PID1: variants seen among roughly 807,000 people sequenced by gnomAD.
The protein encoded by PID1 is PTB-containing, cubilin and LRP1-interacting protein.
In PID1, 10 loss-of-function variants were observed where a neutral mutation model predicts 19.1. That is an observed-to-expected ratio of 0.52 (90% CI 0.32 to 0.89). The LOEUF is 0.89. Ranked by LOEUF, PID1 falls within the 40% of genes least tolerant of loss-of-function variation. PID1 has a pLI of 0.03. For synonymous variants in PID1, 130 were observed against 116.0 expected, an observed-to-expected ratio of 1.12 and a Z score of -0.78; for missense variants, 248 against 285.3, an observed-to-expected ratio of 0.87 and a Z score of 0.94.
intron 1 of PID1, among the ~76,000 whole-genome samples, chr2:229,227,121 A>C (rs1692095287): frequency 6.6e-6 from 1 of 152,246 alleles, no homozygotes; most frequent in Non-Finnish European, 1.5e-5. Context: ...TTTTTTAATG[A>C]AATAATCATA....
chr2:229,241,017 G>T (rs1689852788), intron 1 of PID1, among the ~76,000 whole-genome samples: 1 of 151,948 alleles, frequency 6.6e-6, no homozygotes, highest in African/African-American at 2.4e-5. Context: ...TTCTATTTTA[G>T]ATATTTTACT....
intron 1 of PID1, among the ~76,000 whole-genome samples, chr2:229,224,682 A>G (rs1692041129): frequency 6.6e-6 from 1 of 152,182 alleles, no homozygotes; most frequent in African/African-American, 2.4e-5. Flanking sequence ...AAGGTAAAAC[A>G]GATATTAGTA....
chr2:229,160,490 T>C (rs1466571530), intron 1 of PID1, among the ~76,000 whole-genome samples: 1 of 152,244 alleles, frequency 6.6e-6, no homozygotes, highest in Non-Finnish European at 1.5e-5. Context: ...CAGGCAGGCA[T>C]GTGCCACACA....
intron 1 of PID1, among the ~76,000 whole-genome samples, chr2:229,186,237 C>T (rs1022298943): frequency 1.3e-5 from 2 of 152,168 alleles, no homozygotes; most frequent in East Asian, 1.9e-4. Context: ...CACAGCCTCC[C>T]TCCTACCTGC....
chr2:229,186,489 A>T (rs1230321663), intron 1 of PID1, among the ~76,000 whole-genome samples: 2 of 152,188 alleles, frequency 1.3e-5, no homozygotes, highest in African/African-American at 4.8e-5. Flanking sequence ...AGCAGGCTCA[A>T]CACAGAGTGG....
At chr2:229,143,250 G>A (rs1690056498) in intron 2 of PID1, among the ~76,000 whole-genome samples, 1 of 150,530 alleles carries the variant, frequency 6.6e-6, no homozygotes, top group African/African-American at 2.5e-5. Flanking sequence ...AATGCTAAAT[G>A]ATGAGTTAAT....
chr2:229,158,868 TA>T (rs927783511), intron 1 of PID1, among the ~76,000 whole-genome samples: 1 of 150,916 alleles, frequency 6.6e-6, no homozygotes, highest in African/African-American at 2.4e-5. Context: ...TTGTGGGATC[TA>T]AAAATAAAAA....
chr2:229,188,424 C>G (rs959018208), intron 1 of PID1, among the ~76,000 whole-genome samples: 5 of 151,714 alleles, frequency 3.3e-5, no homozygotes, highest in Admixed American at 2.6e-4. Flanking sequence ...GAAAAAGAAC[C>G]AAAAAAGAAA....
intron 2 of PID1, among the ~76,000 whole-genome samples, chr2:229,056,812 T>A (rs1416931659): frequency 6.6e-6 from 1 of 152,104 alleles, no homozygotes; most frequent in East Asian, 1.9e-4. Context: ...TGGTGGTTCA[T>A]CCTCTAATAC....
At chr2:229,258,913 C>G (rs774437360) in intron 1 of PID1, among the ~76,000 whole-genome samples, 39 of 146,772 alleles carry the variant, frequency 2.7e-4, no homozygotes, top group Non-Finnish European at 4.7e-4. Flanking sequence ...AACCCCAAAA[C>G]TTACCCCAAT....
intron 1 of PID1, among the ~76,000 whole-genome samples, chr2:229,160,621 T>C (rs561071466): frequency 1.1e-3 from 173 of 152,188 alleles, no homozygotes; most frequent in African/African-American, 4.0e-3. Context: ...TCACAGTTGA[T>C]GGAGACTGTT....
chr2:229,174,157 T>C lies in PID1; in HGVS notation c.31-18193A>G, dbSNP rs138487849. Among the ~76,000 whole-genome samples, 103 of 152,344 alleles carry C rather than the reference T, an allele frequency of 6.8e-4. 2 individuals are homozygous for C. The highest frequency in any genetic ancestry group is 2.2e-3 in the African/African-American group (92 of 41,584). ...AGTGTTTGCTCAGGTTTCTTGGTAT[T>C]TAAACATAGCCAGAAACAGGGAACA... is the stretch of plus-strand genomic sequence containing the variant. On this transcript the variant is annotated intron_variant, in intron 1 of 2. Coordinates refer to ENST00000392055, the MANE Select transcript of PID1 (RefSeq NM_001100818.2).
chr2:229,264,320 C>G (rs1350190190), intron 1 of PID1, among the ~76,000 whole-genome samples: 1 of 152,160 alleles, frequency 6.6e-6, no homozygotes, highest in East Asian at 1.9e-4. Context: ...ACATTTATAA[C>G]ATGAGAGAAC....
intron 1 of PID1, among the ~76,000 whole-genome samples, chr2:229,199,913 G>C (rs549484505): frequency 6.6e-6 from 1 of 151,934 alleles, no homozygotes; most frequent in Non-Finnish European, 1.5e-5. Flanking sequence ...ATAACAAAAA[G>C]TTTCTACATA....
chr2:229,254,138 T>C (rs1690227793), intron 1 of PID1, among the ~76,000 whole-genome samples: 1 of 152,088 alleles, frequency 6.6e-6, no homozygotes, highest in Admixed American at 6.5e-5. Flanking sequence ...GGCTAAAGAA[T>C]GGCACATTCA....
intron 1 of PID1, among the ~76,000 whole-genome samples, chr2:229,254,256 T>C (rs1690231787): frequency 6.6e-6 from 1 of 152,158 alleles, no homozygotes; most frequent in East Asian, 1.9e-4. Context: ...TACCAGAAGA[T>C]GGGAAATGAA....
intron 2 of PID1, among the ~76,000 whole-genome samples, chr2:229,031,360 C>T (rs939274363): frequency 1.3e-5 from 2 of 151,986 alleles, no homozygotes; most frequent in Admixed American, 1.3e-4. Flanking sequence ...GAGTTCAAGA[C>T]CAGCCTGGCC....
chr2:229,193,285 C>G (rs1691302343), intron 1 of PID1, among the ~76,000 whole-genome samples: 1 of 152,148 alleles, frequency 6.6e-6, no homozygotes, highest in South Asian at 2.1e-4. Flanking sequence ...GACCCCTTGT[C>G]CATGCCTTTT....
rs529215971 is a variant in PID1, at chr2:229,139,166, C to T, written c.177+16652G>A. Among the ~76,000 whole-genome samples the T allele has an allele frequency of 3.0e-4, 22 of 74,276 alleles. 3 individuals carry two copies. Among genetic ancestry groups the T allele is most frequent in the Middle Eastern group, 6.7e-3 (1 of 150 alleles). The allele number at this position is 74,276 out of a possible 152,430, so 48.7% of individuals were successfully genotyped here. ...GAAAGAAAGCAAGCGAGCGAGCAAG[C>T]GAGCTTCCCTTGACCAAACACTCCC... On this transcript the variant is annotated intron_variant, in intron 2 of 2. Coordinates refer to ENST00000392055, the MANE Select transcript of PID1 (RefSeq NM_001100818.2).
Sources: gnomAD v4.1 joint callset for allele counts (sites outside exome capture counted in the v4.1 genomes callset) on GRCh38, gnomAD v4.1.1 for gene constraint, MANE v1.5 for transcripts, NCBI Gene and HGNC (gene_info 2026-07-23, HGNC 2026-07-21) for gene names.